ADARB2: variants seen among roughly 807,000 people sequenced by gnomAD.
The protein encoded by ADARB2 is adenosine deaminase RNA specific B2 (inactive), also known as inactive double-stranded RNA-specific editase B2.
A neutral mutation model predicts 62.2 loss-of-function variants in ADARB2; 25 were observed. The ratio of observed to expected loss-of-function variants is 0.40; its 90% CI spans 0.29 to 0.56. ADARB2 has a LOEUF of 0.56. Ranked by LOEUF, ADARB2 falls within the 20% of genes least tolerant of loss-of-function variation. The probability of loss-of-function intolerance (pLI) is 0.43; values close to 1 mark genes in which losing one functional copy is unlikely to be tolerated. For missense variants in ADARB2, 1,071 were observed against 1,077.4 expected (o/e 0.99, Z 0.08); for synonymous variants, 572 against 500.8 (o/e 1.14, Z -1.90).
chr10:1,651,691 AAGACAGC>A, intron 1 of ADARB2, among the ~76,000 whole-genome samples: 1 of 151,928 alleles, frequency 6.6e-6, no homozygotes, highest in Non-Finnish European at 1.5e-5. Context: ...AGAATAAATG[AAGACAGC>A]AGACAGCGAA....
At chr10:1,575,712 G>C (rs1184996118) in intron 1 of ADARB2, among the ~76,000 whole-genome samples, 2 of 152,188 alleles carry the variant, frequency 1.3e-5, no homozygotes, top group African/African-American at 4.8e-5. Context: ...GGGGGACTCT[G>C]TGGGATCCCC....
intron 1 of ADARB2, among the ~76,000 whole-genome samples, chr10:1,511,929 A>T (rs1410435277): frequency 1.4e-5 from 2 of 142,434 alleles, no homozygotes; most frequent in Non-Finnish European, 1.5e-5. Flanking sequence ...GATACCAAGA[A>T]GTTTATGCTG....
intron 1 of ADARB2, among the ~76,000 whole-genome samples, chr10:1,413,096 C>A (rs147905728): frequency 9.2e-5 from 14 of 152,218 alleles, no homozygotes; most frequent in Admixed American, 6.5e-4. Context: ...GCCATGCATA[C>A]TCTAGAATGG....
chr10:1,546,561 T>C (rs1832523916), intron 1 of ADARB2, among the ~76,000 whole-genome samples: 3 of 152,230 alleles, frequency 2.0e-5, no homozygotes, highest in African/African-American at 4.8e-5. Flanking sequence ...CACAAGTCAC[T>C]GGAGAAGGGG....
At chr10:1,442,710 G>A (rs1029377646) in intron 1 of ADARB2, among the ~76,000 whole-genome samples, 2 of 152,200 alleles carry the variant, frequency 1.3e-5, no homozygotes, top group African/African-American at 4.8e-5. Context: ...CTGTTATACT[G>A]TATATGGTAA....
chr10:1,558,872 C>T (rs1359489974), intron 1 of ADARB2, among the ~76,000 whole-genome samples: 1 of 152,174 alleles, frequency 6.6e-6, no homozygotes, highest in Non-Finnish European at 1.5e-5. Context: ...ATGACCACTT[C>T]CCAGCATAAC....
At chr10:1,470,763 G>A (rs1831310608) in intron 1 of ADARB2, among the ~76,000 whole-genome samples, 1 of 152,212 alleles carries the variant, frequency 6.6e-6, no homozygotes, top group Non-Finnish European at 1.5e-5. Context: ...TCCTGGCCAG[G>A]GGCGGTGGCT....
intron 1 of ADARB2, among the ~76,000 whole-genome samples, chr10:1,707,881 G>A (rs10903547): frequency 0.099 from 15,003 of 152,242 alleles, 1,049 homozygotes; most frequent in East Asian, 0.38. Flanking sequence ...ACACAGCAGA[G>A]TCAGCACTGG....
intron 1 of ADARB2, among the ~76,000 whole-genome samples, chr10:1,678,961 G>A (rs1834502668): frequency 6.6e-6 from 1 of 152,192 alleles, no homozygotes; most frequent in African/African-American, 2.4e-5. Context: ...TCCCTCACGG[G>A]CATTCAGGCC....
At chr10:1,575,579 G>T (rs775448613) in intron 1 of ADARB2, among the ~76,000 whole-genome samples, 1 of 152,338 alleles carries the variant, frequency 6.6e-6, no homozygotes, top group East Asian at 1.9e-4. Flanking sequence ...ACACATGCGT[G>T]CAGACGCTGC....
chr10:1,574,205 A>C (rs751095811), intron 1 of ADARB2, among the ~76,000 whole-genome samples: 4 of 152,174 alleles, frequency 2.6e-5, no homozygotes, highest in Non-Finnish European at 5.9e-5. Flanking sequence ...CACGGAACGG[A>C]CAGCCTCTTA....
intron 5 of ADARB2, among the ~76,000 whole-genome samples, chr10:1,240,824 A>G (rs914050603): frequency 1.8e-4 from 28 of 152,356 alleles, no homozygotes; most frequent in African/African-American, 6.5e-4. Context: ...TGATAGTCCC[A>G]GTTGAGCAGG....
intron 1 of ADARB2, among the ~76,000 whole-genome samples, chr10:1,441,784 G>T (rs1564290005): frequency 6.6e-6 from 1 of 152,078 alleles, no homozygotes; most frequent in East Asian, 1.9e-4. Flanking sequence ...ATTGATAATA[G>T]GATATTCATC....
chr10:1,401,238 C>A (rs1306662121), intron 1 of ADARB2, among the ~76,000 whole-genome samples: 2 of 152,148 alleles, frequency 1.3e-5, no homozygotes, highest in African/African-American at 4.8e-5. Context: ...GGGGGACGGC[C>A]CGGTGTGTGT....
intron 1 of ADARB2, among the ~76,000 whole-genome samples, chr10:1,625,794 T>C (rs1432292028): frequency 6.8e-6 from 1 of 147,730 alleles, no homozygotes; most frequent in Non-Finnish European, 1.5e-5. Context: ...CTCACCCTTC[T>C]CCTGCTGAGC....
chr10:1,709,516 G>T (rs17221972), intron 1 of ADARB2, among the ~76,000 whole-genome samples: 1 of 152,048 alleles, frequency 6.6e-6, no homozygotes, highest in Non-Finnish European at 1.5e-5. Flanking sequence ...TGTGGAAGCC[G>T]GGCTTTCTTT....
At chr10:1,443,923 C>G (rs1289179337) in intron 1 of ADARB2, among the ~76,000 whole-genome samples, 1 of 152,120 alleles carries the variant, frequency 6.6e-6, no homozygotes, top group Non-Finnish European at 1.5e-5. Context: ...CAGGTTAACA[C>G]AAATGCTATT....
chr10:1,731,072 A>C (rs903967203), intron 1 of ADARB2, among the ~76,000 whole-genome samples: 2 of 152,240 alleles, frequency 1.3e-5, no homozygotes, highest in Non-Finnish European at 2.9e-5. Context: ...CGTTCTTCAG[A>C]AAAGTCTGCT....
At chr10:1,502,056 C>T (rs1224387748) in intron 1 of ADARB2, among the ~76,000 whole-genome samples, 1 of 152,226 alleles carries the variant, frequency 6.6e-6, no homozygotes, top group African/African-American at 2.4e-5. Context: ...ACTTCCAGAA[C>T]ATTGAGGCTG....
Sources: gnomAD v4.1 joint callset for allele counts (sites outside exome capture counted in the v4.1 genomes callset) on GRCh38, gnomAD v4.1.1 for gene constraint, MANE v1.5 for transcripts, NCBI Gene and HGNC (gene_info 2026-07-23, HGNC 2026-07-21) for gene names.